FBXO32: variants seen among roughly 807,000 people sequenced by gnomAD.
FBXO32 encodes the protein F-box protein 32.
FBXO32 carries 15 observed loss-of-function variants against 48.3 expected under a neutral mutation model. The ratio of observed to expected loss-of-function variants is 0.31; its 90% confidence interval spans 0.21 to 0.48. The LOEUF (loss-of-function observed/expected upper bound fraction) is 0.48, where lower values mean the gene tolerates loss of function less well. FBXO32 is among the 20% of genes least tolerant of loss of function. FBXO32 has a pLI of 0.99. For synonymous variants in FBXO32, 154 were observed against 165.9 expected (o/e 0.93, Z 0.55); for missense variants, 309 against 432.7 (o/e 0.71, Z 2.54).
chr8:123,530,997 T>A (rs1196808348), intron 4 of FBXO32, among the ~76,000 whole-genome samples: 2 of 103,656 alleles, frequency 1.9e-5, no homozygotes, highest in Admixed American at 2.0e-4. Context: ...TTTTTTTTTT[T>A]ACATGGAGTC....
At position 123,498,916 on chromosome 8, in the gene FBXO32, A is replaced by AG. The variant is rs1275891611; in HGVS notation, c.*4456dup. 6.6e-6 allele frequency: 1 copy of AG among 152,230 alleles called. No homozygotes were observed. Among genetic ancestry groups the AG allele is most frequent in the Non-Finnish European group, 1.5e-5 (1 of 68,038 alleles). The allele number at this position is 152,230 out of a possible 1,614,324, so 9.4% of individuals were successfully genotyped here. A position where few individuals can be genotyped will look rare whatever the true frequency, so the allele number is the denominator to read the frequency against. On this transcript the variant is annotated 3_prime_UTR_variant, in exon 9 of 9. Coordinates refer to ENST00000517956, the MANE Select transcript of FBXO32 (RefSeq NM_058229.4). ...CTCCTTAACTTCTCCAGTAAGAATC[A>AG]GGGACTTGAAATGGAAACGTTAACA...
At chr8:123,529,670 C>T (rs1214613386) in intron 4 of FBXO32, among the ~76,000 whole-genome samples, 1 of 152,206 alleles carries the variant, frequency 6.6e-6, no homozygotes, top group East Asian at 1.9e-4. Context: ...GTCTTGATTT[C>T]ATCCCTCTGT....
rs1816776057 is a variant in FBXO32, at chr8:123,513,403, A to G, written c.467-21T>C. ...AAGGACTTGAGTAGGGAAGAAAAAA[A>G]TAATTAAAGTTATGATACTGGAACA... On this transcript the variant is annotated intron_variant, in intron 5 of 8. Coordinates refer to ENST00000517956, the MANE Select transcript of FBXO32 (RefSeq NM_058229.4). The surrounding 1 kb of genome is among the most constrained non-coding windows in gnomAD (Gnocchi z 4.3). 5.0e-6 allele frequency: 8 copies of G among 1,601,580 alleles called. No individual in the cohort carries two copies. Among genetic ancestry groups the G allele is most frequent in the Middle Eastern group, 3.3e-4 (2 of 6,042 alleles).
rs1290510972 is a variant in FBXO32, at chr8:123,540,043, C to T, written c.116+856G>A. ...CGTTAGCCAAGCTGAGCAGGGAGCGCAGCGGACCTCAGGTTTCCCGCCAGA... is the reference window on the plus strand; with the variant it reads ...CGTTAGCCAAGCTGAGCAGGGAGCGTAGCGGACCTCAGGTTTCCCGCCAGA... On this transcript the variant is annotated intron_variant, in intron 1 of 8. Transcript: ENST00000517956. This position sits in a 1 kb window ranked among gnomAD's most constrained non-coding sequence, Gnocchi z 6.4. Among the ~76,000 whole-genome samples the T allele has an allele frequency of 6.6e-6, 1 of 152,214 alleles. No homozygotes were observed. The highest frequency in any genetic ancestry group is 2.4e-5 in the African/African-American group (1 of 41,450).
chr8:123,540,783 G>A lies in FBXO32; in HGVS notation c.116+116C>T. The A allele has an allele frequency of 1.2e-6, 1 of 829,482 alleles. No homozygotes were observed. 51.4% of individuals were successfully genotyped at this position (829,482 alleles called of 1,614,324 possible). The stretch of plus-strand genomic sequence containing the variant: ...CCGTAGTCCCACCCTCCGGGTCAGG[G>A]TCTCCCTCCTCAGCCCGCTCCAGCC... On this transcript the variant is annotated intron_variant, in intron 1 of 8. Transcript: ENST00000517956. This position sits in a 1 kb window ranked among gnomAD's most constrained non-coding sequence, Gnocchi z 6.4.
chr8:123,512,641 C>T (rs560995785), intron 6 of FBXO32, among the ~76,000 whole-genome samples: 66 of 151,660 alleles, frequency 4.4e-4, no homozygotes, highest in Non-Finnish European at 7.7e-4. Context: ...TGCTATAGAT[C>T]GCCAAACCTC....
chr8:123,513,499 A>G lies in FBXO32; in HGVS notation c.467-117T>C. 1.1e-6 allele frequency: 1 copy of G among 878,550 alleles called. No individual in the cohort carries two copies. The allele number at this position is 878,550 out of a possible 1,614,324, so 54.4% of individuals were successfully genotyped here. On this transcript the variant is annotated intron_variant, in intron 5 of 8. Coordinates refer to ENST00000517956, the MANE Select transcript of FBXO32 (RefSeq NM_058229.4). The surrounding 1 kb of genome is among the most constrained non-coding windows in gnomAD (Gnocchi z 4.3). ...TGTTACCCAGGCACTGCCTCTGGGG[A>G]TATGGTTTTCTTCCTCACCAGTGTT... is the stretch of plus-strand genomic sequence containing the variant.
rs1486762533 is a variant in FBXO32, at chr8:123,513,064, CA to C, written c.651+133del. 1 of 1,002,366 alleles carries C rather than the reference CA, an allele frequency of 1.0e-6. No homozygotes were observed. The highest frequency in any genetic ancestry group is 2.6e-5 in the East Asian group (1 of 37,934). The allele number at this position is 1,002,366 out of a possible 1,614,324, so 62.1% of individuals were successfully genotyped here. ...AGGAGGTCCCCCAGCCCACCCTCAG[CA>C]CCAGAACAAAGCAGCAGATCAGAAA... On this transcript the variant is annotated intron_variant, in intron 6 of 8. Coordinates refer to ENST00000517956, the MANE Select transcript of FBXO32 (RefSeq NM_058229.4). This position sits in a 1 kb window ranked among gnomAD's most constrained non-coding sequence, Gnocchi z 4.3.
chr8:123,517,200 A>G (rs1211751478), intron 4 of FBXO32, among the ~76,000 whole-genome samples: 1 of 152,228 alleles, frequency 6.6e-6, no homozygotes, highest in Non-Finnish European at 1.5e-5. Context: ...GAAGGCAGCC[A>G]GAGCTCTGCC....
intron 1 of FBXO32, among the ~76,000 whole-genome samples, chr8:123,536,018 C>A (rs1047392049): frequency 5.3e-5 from 8 of 152,260 alleles, no homozygotes; most frequent in African/African-American, 1.7e-4. Flanking sequence ...TTTGAAGCAA[C>A]TTCTAGTATC....
At chr8:123,510,577 C>T (rs907856690) in intron 6 of FBXO32, among the ~76,000 whole-genome samples, 4 of 151,848 alleles carry the variant, frequency 2.6e-5, no homozygotes, top group African/African-American at 7.3e-5. Context: ...CACACCACTG[C>T]ACTCCAGCCT....
rs753710651 is a variant in FBXO32, at chr8:123,503,448, C to T, written c.993G>A (p.Pro331=). The T allele has an allele frequency of 2.5e-5, 41 of 1,613,776 alleles. No homozygotes were observed. The highest frequency in any genetic ancestry group is 5.5e-5 in the South Asian group (5 of 91,062). The stretch of plus-strand genomic sequence containing the variant: ...AGCTCTCTGGGTTATTGGCAGTGCA[C>T]GGATGGTCAGTGCCCTGGAAAGGAA... The part of the protein sequence containing the change: ...HILSWKGTDH[P]CTANNPESCS... Residue 331 remains proline, a synonymous_variant, in exon 9 of 9, where the codon CCG becomes CCA. Transcript: ENST00000517956.
At chr8:123,516,564 G>A (rs543018192) in intron 4 of FBXO32, among the ~76,000 whole-genome samples, 10 of 152,270 alleles carry the variant, frequency 6.6e-5, no homozygotes, top group East Asian at 3.9e-4. Flanking sequence ...TTGGATCAAC[G>A]GCCTAGGCAA....
At chr8:123,518,960 C>G (rs1406899050) in intron 4 of FBXO32, among the ~76,000 whole-genome samples, 1 of 152,040 alleles carries the variant, frequency 6.6e-6, no homozygotes, top group Non-Finnish European at 1.5e-5. Flanking sequence ...TAGCTGGGAC[C>G]ACAGGGGCAC....
chr8:123,540,927 T>C lies in FBXO32; in HGVS notation c.88A>G (p.Ser30Gly). 1 of 1,613,526 alleles carries C rather than the reference T, an allele frequency of 6.2e-7. No homozygotes were observed. The highest frequency in any genetic ancestry group is 8.5e-7 in the Non-Finnish European group (1 of 1,179,722). ...DGWKRFLDEK[S>G]GSFVSDLSSY... Reference sequence around the variant, plus strand: ...CTGAGGTCGCTCACGAAACTGCCGCTCTTCTCATCCAGGAAGCGCTTCCAG... The same window carrying C: ...CTGAGGTCGCTCACGAAACTGCCGCCCTTCTCATCCAGGAAGCGCTTCCAG... Residue 30 changes from serine to glycine, a missense_variant, in exon 1 of 9, where the codon AGC becomes GGC. Transcript: ENST00000517956. This position sits in a 1 kb window ranked among gnomAD's most constrained non-coding sequence, Gnocchi z 6.4.
rs1309481088 is a variant in FBXO32 at position 123,506,376 on chromosome 8, A to G, written c.834+16T>C. ...GAGAAGGAGGGTGGGAGGAAAGCCC[A>G]CTGGGCCTTGCTGACCTGCCGCTCG... On this transcript the variant is annotated intron_variant, in intron 7 of 8. Transcript: ENST00000517956. This position sits in a 1 kb window ranked among gnomAD's most constrained non-coding sequence, Gnocchi z 4.0. 5.6e-6 allele frequency: 9 copies of G among 1,611,842 alleles called. No individual in the cohort carries two copies. The highest frequency in any genetic ancestry group is 2.2e-5 in the East Asian group (1 of 44,826).
Position 123,499,499 on chromosome 8 carries a change from AATG to A in FBXO32, c.*3871_*3873del, listed in dbSNP as rs1212406382. On this transcript the variant is annotated 3_prime_UTR_variant, in exon 9 of 9. Coordinates refer to ENST00000517956, the MANE Select transcript of FBXO32 (RefSeq NM_058229.4). ...AAAAAAAAAAGATGTCAACATAGAA[AATG>A]ATGATAGAGTTTAGTTAAAAAAATT... is the stretch of plus-strand genomic sequence containing the variant. 1 of 152,182 alleles carries A rather than the reference AATG, an allele frequency of 6.6e-6. No individual in the cohort carries two copies. Among genetic ancestry groups the A allele is most frequent in the Non-Finnish European group, 1.5e-5 (1 of 68,040 alleles). 9.4% of individuals were successfully genotyped at this position (152,182 alleles called of 1,614,324 possible). A position where few individuals can be genotyped will look rare whatever the true frequency, so the allele number is the denominator to read the frequency against.
rs1259923317 is a variant in FBXO32, at chr8:123,532,047, T to C, written c.280-57A>G. On this transcript the variant is annotated intron_variant, in intron 3 of 8. Coordinates refer to ENST00000517956, the MANE Select transcript of FBXO32 (RefSeq NM_058229.4). ...TCCTGCCATGCAGAGGTCACCCAAG[T>C]AAGAATGAGCCAGTTAGAACAACCC... The C allele has an allele frequency of 3.7e-6, 6 of 1,606,944 alleles. No homozygotes were observed. In the African/African-American group the frequency reaches 6.7e-5, roughly 18 times the overall value.
rs187774256 is a variant in FBXO32, at chr8:123,540,502, G to A, written c.116+397C>T. Among the ~76,000 whole-genome samples the A allele has an allele frequency of 2.8e-3, 432 of 152,336 alleles. 1 individual carries two copies. Among genetic ancestry groups the A allele is most frequent in the African/African-American group, 9.9e-3 (410 of 41,588 alleles). On this transcript the variant is annotated intron_variant, in intron 1 of 8. Transcript: ENST00000517956. The surrounding 1 kb of genome is among the most constrained non-coding windows in gnomAD (Gnocchi z 6.4). The stretch of plus-strand genomic sequence containing the variant: ...GGAGCCGGGCCACCCCGCGGTGAAG[G>A]GGCTCAGCCCACCCGCCCGCGCCCC...
Sources: gnomAD v4.1 joint callset for allele counts (sites outside exome capture counted in the v4.1 genomes callset) on GRCh38, gnomAD v4.1.1 for gene constraint, Gnocchi (gnomAD v3.1) non-coding constraint, MANE v1.5 for transcripts, NCBI Gene and HGNC (gene_info 2026-07-23, HGNC 2026-07-21) for gene names.